The following KANK2 variants were observed in gnomAD, a reference collection of about 807,000 sequenced individuals.
KANK2 encodes the protein KN motif and ankyrin repeat domains 2.
In KANK2, 41 loss-of-function variants were observed where a neutral mutation model predicts 74.6. The ratio of observed to expected loss-of-function variants is 0.55; its 90% CI spans 0.43 to 0.71. KANK2 has a LOEUF of 0.71. Among genes scored for constraint, KANK2 ranks in the 30% least tolerant of loss-of-function variants. The pLI is 0.00. For missense variants in KANK2, 1,148 were observed against 1,196.4 expected (o/e 0.96, Z 0.60); for synonymous variants, 537 against 519.0 (o/e 1.03, Z -0.47).
At chr19:11,182,749 A>G (rs1160115236) in intron 4 of KANK2, among the ~76,000 whole-genome samples, 1 of 146,940 alleles carries the variant, frequency 6.8e-6, no homozygotes, top group Non-Finnish European at 1.5e-5. Context: ...AGGCTGAGGC[A>G]GGAGAATCGC....
At chr19:11,173,998 C>T (rs2078256271) in intron 9 of KANK2, among the ~76,000 whole-genome samples, 1 of 152,090 alleles carries the variant, frequency 6.6e-6, no homozygotes, top group African/African-American at 2.4e-5. Flanking sequence ...GTGGTGCCCC[C>T]CCCATCAGAC....
chr19:11,193,798 G>A lies in KANK2; in HGVS notation c.282C>T (p.Asp94=). The A allele has an allele frequency of 6.2e-7, 1 of 1,612,654 alleles. No homozygotes were observed. The highest frequency in any genetic ancestry group is 8.5e-7 in the Non-Finnish European group (1 of 1,179,680). ...AGTAGGAATAGGCTGAGTGGCGGCTGTCCCCACTGGCATTGGAGCACAGCG... is the reference window on the plus strand; with the variant it reads ...AGTAGGAATAGGCTGAGTGGCGGCTATCCCCACTGGCATTGGAGCACAGCG... ...TESLCSNASG[D]SRHSAYSYCG... The change falls in exon 4 of 13, where the codon GAC becomes GAT. Residue 94 remains aspartate, a synonymous_variant. Transcript: ENST00000586659. This position sits in a 1 kb window ranked among gnomAD's most constrained non-coding sequence, Gnocchi z 9.6.
intron 9 of KANK2, among the ~76,000 whole-genome samples, chr19:11,174,215 T>C (rs34333186): frequency 6.6e-6 from 1 of 152,144 alleles, no homozygotes; most frequent in African/African-American, 2.4e-5. Context: ...GGGAGGGCCA[T>C]ATACCCCACC....
chr19:11,189,020 G>A (rs184050258), intron 4 of KANK2, among the ~76,000 whole-genome samples: 38 of 151,150 alleles, frequency 2.5e-4, no homozygotes, highest in Admixed American at 2.5e-3. Context: ...AGAGGCTATA[G>A]GGCCAAGAGC....
In KANK2 at chr19:11,166,096, C is replaced by A. The variant is rs984706091; in HGVS notation, c.*462G>T. ...GATGAAGGGTGAACCCCAACTGGTGCGTAATAACACTTAGGATTAAAATGA... is the reference window on the plus strand; with the variant it reads ...GATGAAGGGTGAACCCCAACTGGTGAGTAATAACACTTAGGATTAAAATGA... On this transcript the variant is annotated 3_prime_UTR_variant, in exon 13 of 13. Coordinates refer to ENST00000586659, the MANE Select transcript of KANK2 (RefSeq NM_001136191.3). 6 of 157,724 alleles carry A rather than the reference C, an allele frequency of 3.8e-5. No homozygotes were observed. 9.8% of individuals were successfully genotyped at this position (157,724 alleles called of 1,614,324 possible).
intron 10 of KANK2, among the ~76,000 whole-genome samples, chr19:11,171,028 G>A (rs1360927789): frequency 6.6e-6 from 1 of 152,102 alleles, no homozygotes; most frequent in African/African-American, 2.4e-5. Context: ...CACCATGTTG[G>A]CCAGGATGGT....
chr19:11,185,609 T>G lies in KANK2; in HGVS notation c.1250-6889A>C, dbSNP rs1381261261. Among the ~76,000 whole-genome samples, 4 of 150,380 alleles carry G rather than the reference T, an allele frequency of 2.7e-5. No individual in the cohort carries two copies. In the East Asian group the frequency reaches 7.7e-4, roughly 29 times the overall value. ...GGCCGTAGTTTGCCAGTTTTGACTC[T>G]GGAAGATACCAGCAACTTCTAAAAA... On this transcript the variant is annotated intron_variant, in intron 4 of 12. Transcript: ENST00000586659.
Position 11,166,070 on chromosome 19 carries a change from G to T in KANK2, c.*488C>A. ...TCTATATCAGACAATTAAATGTGGG[G>T]GATGAAGGGTGAACCCCAACTGGTG... On this transcript the variant is annotated 3_prime_UTR_variant, in exon 13 of 13. Coordinates refer to ENST00000586659, the MANE Select transcript of KANK2 (RefSeq NM_001136191.3). 1 of 155,888 alleles carries T rather than the reference G, an allele frequency of 6.4e-6. No homozygotes were observed. The highest frequency in any genetic ancestry group is 6.3e-5 in the Admixed American group (1 of 15,754). The allele number at this position is 155,888 out of a possible 1,614,324, so 9.7% of individuals were successfully genotyped here. A position where few individuals can be genotyped will look rare whatever the true frequency, so the allele number is the denominator to read the frequency against.
At chr19:11,177,448 G>A (rs952821242) in intron 6 of KANK2, among the ~76,000 whole-genome samples, 1 of 152,074 alleles carries the variant, frequency 6.6e-6, no homozygotes, top group African/African-American at 2.4e-5. Context: ...TCTGTCTCCT[G>A]GGTTCAAGCG....
chr19:11,170,906 C>T lies in KANK2; in HGVS notation c.2212-658G>A, dbSNP rs187471387. Among the ~76,000 whole-genome samples, 2 of 152,276 alleles carry T rather than the reference C, an allele frequency of 1.3e-5. No homozygotes were observed. The highest frequency in any genetic ancestry group is 4.8e-5 in the African/African-American group (2 of 41,566). On this transcript the variant is annotated intron_variant, in intron 10 of 12. Transcript: ENST00000586659. This position sits in a 1 kb window ranked among gnomAD's most constrained non-coding sequence, Gnocchi z 5.2. The stretch of plus-strand genomic sequence containing the variant: ...GCGCAATCTCGGCTCACTGCAACCT[C>T]CACCTCCTGGGTCCAAGCAACTCTC...
intron 4 of KANK2, among the ~76,000 whole-genome samples, chr19:11,182,478 ACAGCACTGCTGCACTC>A (rs2078549884): frequency 6.6e-6 from 1 of 151,626 alleles, no homozygotes; most frequent in African/African-American, 2.4e-5. Flanking sequence ...TTGAGCTATG[ACAGCACTGCTGCACTC>A]CAGCCTGGGT....
intron 4 of KANK2, among the ~76,000 whole-genome samples, chr19:11,190,414 T>C (rs973173071): frequency 1.3e-5 from 2 of 151,952 alleles, no homozygotes; most frequent in African/African-American, 4.8e-5. Flanking sequence ...AGGCCTGATG[T>C]TCTGGGTTTG....
intron 4 of KANK2, among the ~76,000 whole-genome samples, chr19:11,187,430 T>C (rs531272340): frequency 1.2e-4 from 19 of 152,084 alleles, no homozygotes; most frequent in Non-Finnish European, 2.2e-4. Flanking sequence ...AGGCATATTT[T>C]TCAAGGACAC....
intron 1 of KANK2, 189 bp downstream of exon 1, chr19:11,197,296 G>C (rs1390945131): frequency 6.6e-6 from 1 of 150,806 alleles, no homozygotes; most frequent in African/African-American, 2.4e-5. Context: ...AGGGACGCGG[G>C]GACAGACACT....
At chr19:11,197,041 GGCC>G (rs2079040560) in intron 1 of KANK2, 1 of 152,452 alleles carries the variant, frequency 6.6e-6, no homozygotes, top group Non-Finnish European at 1.5e-5. Flanking sequence ...GCCAAGCCCA[GGCC>G]CAGCCCGGCC....
intron 12 of KANK2, among the ~76,000 whole-genome samples, chr19:11,167,681 C>T (rs1328198665): frequency 2.6e-5 from 4 of 151,996 alleles, no homozygotes; most frequent in Non-Finnish European, 5.9e-5. Context: ...GTGCCCACCA[C>T]CACACCCAGC....
chr19:11,166,877 C>A (rs931199461), intron 12 of KANK2, among the ~76,000 whole-genome samples: 1 of 152,066 alleles, frequency 6.6e-6, no homozygotes, highest in African/African-American at 2.4e-5. Context: ...TGACTGTGAA[C>A]GGCATCAAGG....
chr19:11,188,874 C>T (rs1396115787), intron 4 of KANK2, among the ~76,000 whole-genome samples: 1 of 151,550 alleles, frequency 6.6e-6, no homozygotes, highest in Non-Finnish European at 1.5e-5. Context: ...ATCCCAGCTA[C>T]TTGGAAGGTG....
intron 2 of KANK2, chr19:11,195,083 C>A (rs1488641976): frequency 6.5e-6 from 1 of 154,172 alleles, no homozygotes; most frequent in Non-Finnish European, 1.4e-5. Context: ...CCAGTGACCC[C>A]AAAGCTGAGA....
Sources: gnomAD v4.1 joint callset for allele counts (sites outside exome capture counted in the v4.1 genomes callset) on GRCh38, gnomAD v4.1.1 for gene constraint, Gnocchi (gnomAD v3.1) non-coding constraint, MANE v1.5 for transcripts, NCBI Gene and HGNC (gene_info 2026-07-23, HGNC 2026-07-21) for gene names.